The following RASGEF1A variants were observed in gnomAD, a reference collection of about 807,000 sequenced individuals.
The protein encoded by RASGEF1A is ras-GEF domain-containing family member 1A.
Under a neutral mutation model 56.4 loss-of-function variants are expected in RASGEF1A, and 18 were observed. The observed-to-expected ratio is 0.32, with a 90% CI of 0.22 to 0.47. The LOEUF (loss-of-function observed/expected upper bound fraction) is 0.47. Among genes scored for constraint, RASGEF1A ranks in the 20% least tolerant of loss-of-function variants. RASGEF1A has a pLI of 1.00. For synonymous variants in RASGEF1A, 245 were observed against 242.6 expected (o/e 1.01, Z -0.09); for missense variants, 422 against 627.1 (o/e 0.67, Z 3.49).
At position 43,196,303 on chromosome 10, in the gene RASGEF1A, G is replaced by GAGCAGGGCGGCTTGGGTCCAAGCCATCC. The variant is rs1839797288; in HGVS notation, c.1422-63_1422-36dup. On this transcript the variant is annotated intron_variant, in intron 12 of 12. Coordinates refer to ENST00000395810, the MANE Select transcript of RASGEF1A (RefSeq NM_145313.4). This position sits in a 1 kb window ranked among gnomAD's most constrained non-coding sequence, Gnocchi z 4.6. ...GACAGGACAAGCAGTGCTCAGGCCC[G>GAGCAGGGCGGCTTGGGTCCAAGCCATCC]AGCAGGGCGGCTTGGGTCCAAGCCA... The GAGCAGGGCGGCTTGGGTCCAAGCCATCC allele has an allele frequency of 9.9e-6, 16 of 1,611,568 alleles. No homozygotes were observed. The highest frequency in any genetic ancestry group is 1.2e-5 in the Non-Finnish European group (14 of 1,178,436).
chr10:43,228,583 T>C (rs1452524610), intron 1 of RASGEF1A, among the ~76,000 whole-genome samples: 1 of 152,134 alleles, frequency 6.6e-6, no homozygotes, highest in African/African-American at 2.4e-5. Flanking sequence ...CACCAGTGAG[T>C]GGAAACTGCA....
chr10:43,199,870 C>T (rs1309007079), intron 6 of RASGEF1A, 102 bp from the exon 7 acceptor site: 10 of 975,370 alleles, frequency 1.0e-5, no homozygotes, highest in South Asian at 6.9e-5. Context: ...CAGCCTGCAC[C>T]GCAGCAGCCT....
chr10:43,195,864 A>G lies in RASGEF1A; in HGVS notation c.*380T>C, dbSNP rs1271663425. 1 of 162,674 alleles carries G rather than the reference A, an allele frequency of 6.1e-6. No individual in the cohort carries two copies. Among genetic ancestry groups the G allele is most frequent in the Non-Finnish European group, 1.3e-5 (1 of 74,366 alleles). The allele number at this position is 162,674 out of a possible 1,614,324, so 10.1% of individuals were successfully genotyped here. A position where few individuals can be genotyped will look rare whatever the true frequency, so the allele number is the denominator to read the frequency against. ...CCCGACGTCAGAGACACTGGCTGGA[A>G]AGGCGTCCGAGCAGGCAGGGCTCAC... is the stretch of plus-strand genomic sequence containing the variant. On this transcript the variant is annotated 3_prime_UTR_variant, in exon 13 of 13. Coordinates refer to ENST00000395810, the MANE Select transcript of RASGEF1A (RefSeq NM_145313.4). The surrounding 1 kb of genome is among the most constrained non-coding windows in gnomAD (Gnocchi z 4.2).
chr10:43,226,212 C>T (rs896948359), intron 1 of RASGEF1A, among the ~76,000 whole-genome samples: 3 of 152,200 alleles, frequency 2.0e-5, no homozygotes, highest in Non-Finnish European at 2.9e-5. Context: ...GAAGCCAAAG[C>T]GGGCAGATCA....
At chr10:43,261,099 C>CG (rs2082160314) in intron 1 of RASGEF1A, among the ~76,000 whole-genome samples, 1 of 152,168 alleles carries the variant, frequency 6.6e-6, no homozygotes, top group Non-Finnish European at 1.5e-5. Context: ...TGGGAGCGCC[C>CG]TCCCCCTCGG....
chr10:43,206,578 G>T, intron 1 of RASGEF1A: 2 of 1,000,576 alleles, frequency 2.0e-6, no homozygotes, highest in Non-Finnish European at 1.2e-6. Context: ...GTGTGCAGCG[G>T]GGAGCTGGGA....
intron 1 of RASGEF1A, among the ~76,000 whole-genome samples, chr10:43,212,466 G>T (rs1350798737): frequency 6.6e-6 from 1 of 152,238 alleles, no homozygotes; most frequent in Non-Finnish European, 1.5e-5. Context: ...TGCCAGGAGG[G>T]GAGAGGCCAG....
At chr10:43,203,555 G>A in intron 2 of RASGEF1A, 135 bp from the exon 3 acceptor site, 1 of 1,368,656 alleles carries the variant, frequency 7.3e-7, no homozygotes, top group Non-Finnish European at 9.6e-7. Flanking sequence ...TCACCTGCCC[G>A]GTTCCCTTCG....
chr10:43,196,538 G>A lies in RASGEF1A; in HGVS notation c.1359C>T (p.Val453=), dbSNP rs761523237. 18 of 1,613,494 alleles carry A rather than the reference G, an allele frequency of 1.1e-5. No homozygotes were observed. Among genetic ancestry groups the A allele is most frequent in the Admixed American group, 1.0e-4 (6 of 60,006 alleles). Residue 453 remains valine, a synonymous_variant, in exon 12 of 13, where the codon GTC becomes GTT. Coordinates refer to ENST00000395810, the MANE Select transcript of RASGEF1A (RefSeq NM_145313.4). The surrounding 1 kb of genome is among the most constrained non-coding windows in gnomAD (Gnocchi z 4.6). The part of the protein sequence containing the change: ...APIYSEEALF[V]ASFESEGPEN... Reference sequence around the variant, plus strand: ...CGGGACCCTCACTTTCAAAGGAGGCGACGAAGAGAGCTGAGAGATGGGAAA... The same window carrying A: ...CGGGACCCTCACTTTCAAAGGAGGCAACGAAGAGAGCTGAGAGATGGGAAA...
chr10:43,266,011 G>A (rs1194874225), intron 1 of RASGEF1A, among the ~76,000 whole-genome samples: 1 of 152,190 alleles, frequency 6.6e-6, no homozygotes, highest in Non-Finnish European at 1.5e-5. Context: ...GAGCAGGGAG[G>A]GAGGGAGCCC....
intron 1 of RASGEF1A, among the ~76,000 whole-genome samples, chr10:43,242,652 C>T (rs1840515826): frequency 6.6e-6 from 1 of 152,164 alleles, no homozygotes; most frequent in African/African-American, 2.4e-5. Flanking sequence ...CCTGCCTCGG[C>T]CTGCCAAGTG....
In RASGEF1A at chr10:43,198,152, G is replaced by A; in HGVS notation, c.1076C>T (p.Ala359Val). ...PSSNFCNYRT[A>V]LQGATQRSQM... is the part of the protein sequence containing the mutation. ...GGACCTCTGCGTGGCCCCCTGCAGG[G>A]CTGTACGGTAGTTGCAGAAGTTGCT... Residue 359 changes from alanine to valine, a missense_variant, in exon 10 of 13, where the codon GCC becomes GTC. By Grantham distance (64) the Ala-to-Val change is moderately conservative. Transcript: ENST00000395810. 1.2e-6 allele frequency: 2 copies of A among 1,613,986 alleles called. No homozygotes were observed. The highest frequency in any genetic ancestry group is 1.7e-4 in the Middle Eastern group (1 of 6,058).
intron 4 of RASGEF1A, among the ~76,000 whole-genome samples, chr10:43,201,551 T>C (rs1349026402): frequency 6.6e-6 from 1 of 152,012 alleles, no homozygotes; most frequent in Non-Finnish European, 1.5e-5. Context: ...CAGGAGAGGG[T>C]TGAGACAATG....
chr10:43,265,487 A>G (rs1836607451), intron 1 of RASGEF1A, among the ~76,000 whole-genome samples: 1 of 152,212 alleles, frequency 6.6e-6, no homozygotes. Flanking sequence ...CCCTAAGGAC[A>G]CACACTGGCT....
At chr10:43,215,329 C>A (rs1041655472) in intron 1 of RASGEF1A, among the ~76,000 whole-genome samples, 26 of 152,308 alleles carry the variant, frequency 1.7e-4, no homozygotes, top group Admixed American at 1.6e-3. Context: ...TTTTAACCTA[C>A]TCAACAAAAA....
intron 1 of RASGEF1A, among the ~76,000 whole-genome samples, chr10:43,244,015 A>G (rs1487695432): frequency 6.6e-6 from 1 of 152,238 alleles, no homozygotes. Context: ...AAGTAGACAT[A>G]GGAGACTCCA....
At chr10:43,197,732 A>C (rs566835915) in intron 10 of RASGEF1A, among the ~76,000 whole-genome samples, 16 of 152,342 alleles carry the variant, frequency 1.1e-4, no homozygotes, top group Admixed American at 2.0e-4. Flanking sequence ...TGGTAGGGCC[A>C]GGCTGGAACC....
intron 1 of RASGEF1A, among the ~76,000 whole-genome samples, chr10:43,228,158 C>T (rs1840307621): frequency 6.6e-6 from 1 of 152,204 alleles, no homozygotes; most frequent in African/African-American, 2.4e-5. Context: ...GGCTCTGCTC[C>T]TGATGCCCCA....
Position 43,200,709 on chromosome 10 carries a change from G to T in RASGEF1A, c.639C>A (p.Cys213Ter). The T allele has an allele frequency of 6.2e-7, 1 of 1,613,364 alleles. No homozygotes were observed. Residue 213 changes from cysteine to a stop codon, truncating the protein, a stop_gained, in exon 5 of 13, where the codon TGC becomes TGA. Coordinates refer to ENST00000395810, the MANE Select transcript of RASGEF1A (RefSeq NM_145313.4). LOFTEE classifies it high-confidence loss of function. ...GCTGCTGGGCCAGCACCAGGGGGTC[G>T]CAGCACACGCCCAGGATGTCCTTCT... ...AAQKDILGVC[C>*]DPLVLAQQLT...
Sources: gnomAD v4.1 joint callset for allele counts (sites outside exome capture counted in the v4.1 genomes callset) on GRCh38, gnomAD v4.1.1 for gene constraint, Gnocchi (gnomAD v3.1) non-coding constraint, MANE v1.5 for transcripts, NCBI Gene and HGNC (gene_info 2026-07-23, HGNC 2026-07-21) for gene names.